OTUD7B: variants seen among roughly 807,000 people sequenced by gnomAD.
OTUD7B encodes the protein OTU deubiquitinase 7B, also known as OTU domain-containing protein 7B.
A neutral mutation model predicts 82.2 loss-of-function variants in OTUD7B; 34 were observed. The ratio of observed to expected loss-of-function variants is 0.41; its 90% CI spans 0.31 to 0.55. The LOEUF (loss-of-function observed/expected upper bound fraction) is 0.55. Among genes scored for constraint, OTUD7B ranks in the 20% least tolerant of loss-of-function variants. The pLI is 0.20. For missense variants in OTUD7B, 944 were observed against 1,062.1 expected (o/e 0.89, Z 1.55); for synonymous variants, 398 against 402.7 (o/e 0.99, Z 0.14).
At chr1:150,028,186 TA>T in the OTUD7B span, among the ~76,000 whole-genome samples, 4 of 152,210 alleles carry the variant, frequency 2.6e-5, no homozygotes, top group African/African-American at 9.7e-5. Context: ...ATAGTATCCT[TA>T]ACACAACAGA....
chr1:150,006,200 G>A (rs943231312), intron 1 of OTUD7B, among the ~76,000 whole-genome samples: 1 of 152,164 alleles, frequency 6.6e-6, no homozygotes, highest in African/African-American at 2.4e-5. Flanking sequence ...GCTCACGCCT[G>A]TAATCCCAGC....
In OTUD7B at chr1:149,982,500, C is replaced by T. The variant is rs587622255; in HGVS notation, c.-66-4924G>A. 3.3e-5 allele frequency among the ~76,000 whole-genome samples: 5 copies of T among 152,264 alleles called. No individual in the cohort carries two copies. The South Asian group carries it at 1.0e-3, about 32-fold the overall frequency. On this transcript the variant is annotated intron_variant, in intron 1 of 11. Transcript: ENST00000581312. ...TTAGAGACAAGGTCTAGCTCTGTCACCCAGGCTGGAGTGCAGGAGTTTGAT... is the reference window on the plus strand; with the variant it reads ...TTAGAGACAAGGTCTAGCTCTGTCATCCAGGCTGGAGTGCAGGAGTTTGAT...
the OTUD7B span, among the ~76,000 whole-genome samples, chr1:150,035,255 T>C: frequency 6.6e-6 from 1 of 152,100 alleles, no homozygotes; most frequent in Non-Finnish European, 1.5e-5. Context: ...AATACTTAAA[T>C]ATTTTCTGAT....
the OTUD7B span, chr1:150,054,762 C>T: frequency 2.4e-5 from 4 of 169,626 alleles, no homozygotes; most frequent in South Asian, 1.1e-4. Context: ...GAGCCCAGAG[C>T]GTGCCACTGC....
chr1:149,965,303 T>C (rs782572701), intron 5 of OTUD7B, among the ~76,000 whole-genome samples: 2 of 151,776 alleles, frequency 1.3e-5, no homozygotes, highest in Non-Finnish European at 2.9e-5. Context: ...GGGGTGGAGG[T>C]CACAGTGAGC....
At chr1:150,057,835 T>C in the OTUD7B span, among the ~76,000 whole-genome samples, 1 of 152,218 alleles carries the variant, frequency 6.6e-6, no homozygotes. Context: ...CAGTAATCCT[T>C]ACTCTAAGAA....
At position 150,010,532 on chromosome 1, in the gene OTUD7B, G is replaced by A. The variant is rs587637925; in HGVS notation, c.-151C>T. Reference sequence around the variant, plus strand: ...CTCTTCATTCCTCGGCAGTGACCCCGGGGTCCGGCCGGCCCCTCCCCCGAC... The same window carrying A: ...CTCTTCATTCCTCGGCAGTGACCCCAGGGTCCGGCCGGCCCCTCCCCCGAC... On this transcript the variant is annotated 5_prime_UTR_variant, in exon 1 of 12. Coordinates refer to ENST00000581312, the MANE Select transcript of OTUD7B (RefSeq NM_020205.4). 4 of 152,986 alleles carry A rather than the reference G, an allele frequency of 2.6e-5. No individual in the cohort carries two copies. The highest frequency in any genetic ancestry group is 9.6e-5 in the African/African-American group (4 of 41,546). The allele number at this position is 152,986 out of a possible 1,614,324, so 9.5% of individuals were successfully genotyped here.
At chr1:150,000,535 G>C (rs1652210199) in intron 1 of OTUD7B, among the ~76,000 whole-genome samples, 1 of 151,852 alleles carries the variant, frequency 6.6e-6, no homozygotes, top group South Asian at 2.1e-4. Flanking sequence ...GGGCAATGGA[G>C]AAAACAGGTT....
At chr1:150,030,333 T>C in the OTUD7B span, among the ~76,000 whole-genome samples, 5 of 152,154 alleles carry the variant, frequency 3.3e-5, no homozygotes, top group African/African-American at 1.2e-4. Flanking sequence ...AATCTATCCT[T>C]ATCTCACACA....
chr1:150,048,846 A>G, the OTUD7B span, among the ~76,000 whole-genome samples: 1 of 152,088 alleles, frequency 6.6e-6, no homozygotes, highest in African/African-American at 2.4e-5. Context: ...TTAAAAAAAA[A>G]ATTTGAGACG....
chr1:149,995,409 T>C (rs1651859430), intron 1 of OTUD7B, among the ~76,000 whole-genome samples: 1 of 152,008 alleles, frequency 6.6e-6, no homozygotes, highest in Admixed American at 6.6e-5. Flanking sequence ...GGAAACCCTG[T>C]CTCTACTAAA....
intron 1 of OTUD7B, among the ~76,000 whole-genome samples, chr1:150,005,210 T>C (rs1317666371): frequency 6.6e-6 from 1 of 152,232 alleles, no homozygotes; most frequent in Non-Finnish European, 1.5e-5. Context: ...TTTTTATTCT[T>C]CTTACTCCCA....
chr1:149,957,927 C>T (rs782505874), intron 7 of OTUD7B, among the ~76,000 whole-genome samples: 1 of 152,206 alleles, frequency 6.6e-6, no homozygotes, highest in African/African-American at 2.4e-5. Context: ...TTCCAGGTAC[C>T]GTCTGTCACG....
intron 1 of OTUD7B, among the ~76,000 whole-genome samples, chr1:149,992,470 T>TTTTG (rs1651644719): frequency 1.3e-3 from 2 of 1,564 alleles, no homozygotes; most frequent in East Asian, 0.1. Context: ...TGCATGTGTT[T>TTTTG]TTTTTTTTTT....
At chr1:150,054,903 G>C in the OTUD7B span, 1 of 264,002 alleles carries the variant, frequency 3.8e-6, no homozygotes, top group Non-Finnish European at 7.6e-6. Flanking sequence ...TTACAGAGCA[G>C]CACAAGATTG....
Position 149,971,223 on chromosome 1 carries a change from G to A in OTUD7B, c.114C>T (p.Leu38=), listed in dbSNP as rs1000806397. 4.3e-6 allele frequency: 7 copies of A among 1,612,230 alleles called. No homozygotes were observed. The East Asian group carries it at 1.6e-4, about 36-fold the overall frequency. The change falls in exon 3 of 12, where the codon CTC becomes CTT. Residue 38 remains leucine, a synonymous_variant. Transcript: ENST00000581312. ...CTTGACGTAGCTGTTCAAAATCACT[G>A]AGGGCGGCATTCACATCCCAATTCT... ...EGKNWDVNAA[L]SDFEQLRQVH... is the part of the protein sequence containing the mutation.
intron 2 of OTUD7B, among the ~76,000 whole-genome samples, chr1:149,974,426 C>T (rs1028517153): frequency 3.8e-4 from 58 of 152,216 alleles, no homozygotes; most frequent in Middle Eastern, 6.8e-3. Flanking sequence ...ATGTCACTCC[C>T]CTGATTAAAA....
In OTUD7B at chr1:149,959,686, A is replaced by AC; in HGVS notation, c.842dup (p.Gly282TrpfsTer6). 6.2e-7 allele frequency: 1 copy of AC among 1,604,672 alleles called. No individual in the cohort carries two copies. Among genetic ancestry groups the AC allele is most frequent in the Non-Finnish European group, 8.5e-7 (1 of 1,171,578 alleles). On this transcript the variant is annotated frameshift_variant, in exon 7 of 12. Transcript: ENST00000581312. LOFTEE classifies it high-confidence loss of function. Reference sequence around the variant, plus strand: ...CTCCCCTACTTAGCCATACTTACCCACCACAGTTGGCTCCATTGGTACCTA... The same window carrying AC: ...CTCCCCTACTTAGCCATACTTACCCACCCACAGTTGGCTCCATTGGTACCTA...
chr1:150,058,911 A>G, the OTUD7B span, among the ~76,000 whole-genome samples: 2 of 152,140 alleles, frequency 1.3e-5, no homozygotes, highest in African/African-American at 4.8e-5. Flanking sequence ...TTTCTTTTAC[A>G]ATAAATTTCT....
Sources: gnomAD v4.1 joint callset for allele counts (sites outside exome capture counted in the v4.1 genomes callset) on GRCh38, gnomAD v4.1.1 for gene constraint, MANE v1.5 for transcripts, NCBI Gene and HGNC (gene_info 2026-07-23, HGNC 2026-07-21) for gene names.